The following AUTS2 variants were observed in gnomAD, a reference collection of about 807,000 sequenced individuals.
AUTS2 encodes activator of transcription and developmental regulator AUTS2, also known as autism susceptibility gene 2 protein.
In AUTS2, 17 loss-of-function variants were observed where a neutral mutation model predicts 112.4. The observed-to-expected ratio is 0.15, with a 90% CI of 0.10 to 0.23. The LOEUF is 0.23. Among genes scored for constraint, AUTS2 ranks in the 10% least tolerant of loss-of-function variants. The probability of loss-of-function intolerance (pLI) is 1.00; values close to 1 mark genes in which losing one functional copy is unlikely to be tolerated. For missense variants in AUTS2, 1,510 were observed against 1,701.6 expected, an observed-to-expected ratio of 0.89 and a Z score of 1.98; for synonymous variants, 751 against 702.7, an observed-to-expected ratio of 1.07 and a Z score of -1.09.
intron 1 of AUTS2, among the ~76,000 whole-genome samples, chr7:69,601,773 T>C (rs1213435931): frequency 6.6e-6 from 1 of 152,150 alleles, no homozygotes; most frequent in Non-Finnish European, 1.5e-5. Context: ...TACCATACAG[T>C]GTGACCTCTT....
chr7:70,078,108 T>A (rs7791101), intron 2 of AUTS2, among the ~76,000 whole-genome samples: 55,247 of 151,984 alleles, frequency 0.36, 10,553 homozygotes, highest in African/African-American at 0.48. Flanking sequence ...ATGTTTGTTT[T>A]TGTTAGTAGG....
chr7:70,374,510 T>C (rs1457253813), intron 4 of AUTS2, among the ~76,000 whole-genome samples: 1 of 152,184 alleles, frequency 6.6e-6, no homozygotes, highest in African/African-American at 2.4e-5. Context: ...TTAAACAAAC[T>C]TGCAGTCAAT....
chr7:70,712,698 G>A (rs1476449334), intron 6 of AUTS2, among the ~76,000 whole-genome samples: 1 of 152,152 alleles, frequency 6.6e-6, no homozygotes, highest in Non-Finnish European at 1.5e-5. Context: ...TTGGCAGTGA[G>A]GTTTTGTAAA....
chr7:70,475,332 A>G (rs1307695836), intron 5 of AUTS2, among the ~76,000 whole-genome samples: 3 of 152,102 alleles, frequency 2.0e-5, no homozygotes, highest in African/African-American at 4.8e-5. Context: ...CTCCTTCTAT[A>G]ATGAAGTCTT....
At chr7:69,898,702 G>C (rs1794851674) in intron 1 of AUTS2, among the ~76,000 whole-genome samples, 1 of 152,148 alleles carries the variant, frequency 6.6e-6, no homozygotes, top group African/African-American at 2.4e-5. Flanking sequence ...TGATCTTGGT[G>C]ATAATATTGT....
chr7:69,633,880 C>T (rs1794391310), intron 1 of AUTS2, among the ~76,000 whole-genome samples: 1 of 152,042 alleles, frequency 6.6e-6, no homozygotes, highest in African/African-American at 2.4e-5. Flanking sequence ...CAAATATTGT[C>T]TTCCAATTTG....
At chr7:70,771,520 T>A in intron 10 of AUTS2, 29 bp from the exon 11 acceptor site, 1 of 1,573,658 alleles carries the variant, frequency 6.4e-7, no homozygotes, top group Non-Finnish European at 8.7e-7. Context: ...ACTAAAATCT[T>A]TTTTCCCCCT....
At chr7:69,693,601 G>A (rs1797436111) in intron 1 of AUTS2, among the ~76,000 whole-genome samples, 1 of 152,122 alleles carries the variant, frequency 6.6e-6, no homozygotes, top group African/African-American at 2.4e-5. Flanking sequence ...TCATTCAGCT[G>A]GGATTTGTGT....
chr7:69,914,354 C>CTG (rs1795479976), intron 2 of AUTS2, among the ~76,000 whole-genome samples: 1 of 115,542 alleles, frequency 8.7e-6, no homozygotes. Context: ...CACACACACA[C>CTG]AGACACACAC....
chr7:70,339,942 G>A (rs1392780328), intron 4 of AUTS2, among the ~76,000 whole-genome samples: 1 of 152,134 alleles, frequency 6.6e-6, no homozygotes, highest in African/African-American at 2.4e-5. Flanking sequence ...ATTTGAGAGT[G>A]CCAGAGATAC....
chr7:69,947,530 A>G (rs1003459246), intron 2 of AUTS2, among the ~76,000 whole-genome samples: 2 of 152,208 alleles, frequency 1.3e-5, no homozygotes, highest in Non-Finnish European at 2.9e-5. Context: ...TCATTTATTA[A>G]AAGTAGTATG....
At chr7:70,272,460 G>A (rs567865098) in intron 4 of AUTS2, among the ~76,000 whole-genome samples, 5 of 152,328 alleles carry the variant, frequency 3.3e-5, no homozygotes, top group South Asian at 4.1e-4. Context: ...GATGGGGTAT[G>A]TCATACTGAA....
chr7:70,088,374 G>T (rs9638582), intron 2 of AUTS2, among the ~76,000 whole-genome samples: 36,870 of 151,806 alleles, frequency 0.24, 4,508 homozygotes, highest in Middle Eastern at 0.33. Context: ...TGATCTTCCC[G>T]CCTCAGCCTC....
intron 5 of AUTS2, among the ~76,000 whole-genome samples, chr7:70,522,320 G>A (rs546842362): frequency 1.6e-4 from 24 of 152,238 alleles, no homozygotes; most frequent in Non-Finnish European, 1.5e-5. Flanking sequence ...CTTTCATTTT[G>A]GATTCAGGGG....
intron 5 of AUTS2, among the ~76,000 whole-genome samples, chr7:70,590,937 G>C (rs1445109930): frequency 6.6e-6 from 1 of 152,158 alleles, no homozygotes; most frequent in African/African-American, 2.4e-5. Flanking sequence ...AGTAAGCAGA[G>C]TGCCCACTAC....
At chr7:69,923,028 A>G (rs771093377) in intron 2 of AUTS2, among the ~76,000 whole-genome samples, 2 of 152,212 alleles carry the variant, frequency 1.3e-5, no homozygotes, top group Non-Finnish European at 2.9e-5. Flanking sequence ...ACAGATTGGT[A>G]TGCGTTGGTC....
intron 5 of AUTS2, among the ~76,000 whole-genome samples, chr7:70,454,875 A>C (rs1796672681): frequency 6.6e-6 from 1 of 152,200 alleles, no homozygotes; most frequent in African/African-American, 2.4e-5. Context: ...GCTGTGGCAA[A>C]GATGAAATGC....
At chr7:70,163,341 T>TGGGGGGGGGGGGG (rs200344668) in intron 4 of AUTS2, among the ~76,000 whole-genome samples, 1 of 2,758 alleles carries the variant, frequency 3.6e-4, no homozygotes, top group African/African-American at 8.9e-4. Context: ...TAGGTTGTGG[T>TGGGGGGGGGGGGG]GGTGGGGGGG....
At chr7:70,137,028 A>G (rs979354495) in intron 4 of AUTS2, among the ~76,000 whole-genome samples, 3 of 152,190 alleles carry the variant, frequency 2.0e-5, no homozygotes, top group Non-Finnish European at 4.4e-5. Context: ...CAGTTCTTTT[A>G]TCTGTAGTGA....
Sources: gnomAD v4.1 joint callset for allele counts (sites outside exome capture counted in the v4.1 genomes callset) on GRCh38, gnomAD v4.1.1 for gene constraint, MANE v1.5 for transcripts, NCBI Gene and HGNC (gene_info 2026-07-23, HGNC 2026-07-21) for gene names.